PRMT3: variants seen among roughly 807,000 people sequenced by gnomAD.
PRMT3 encodes the protein protein arginine N-methyltransferase 3.
PRMT3 carries 62 observed loss-of-function variants against 71.9 expected under a neutral mutation model. The ratio of observed to expected loss-of-function variants is 0.86; its 90% CI spans 0.70 to 1.07. PRMT3 has a LOEUF of 1.07. PRMT3 is among the 50% of genes least tolerant of loss of function. The pLI is 0.00. For missense variants in PRMT3, 663 were observed against 643.0 expected (o/e 1.03, Z -0.34); for synonymous variants, 213 against 220.4 (o/e 0.97, Z 0.30).
chr11:20,455,739 G>A (rs1290437517), intron 11 of PRMT3, among the ~76,000 whole-genome samples: 3 of 151,000 alleles, frequency 2.0e-5, no homozygotes, highest in African/African-American at 7.4e-5. Context: ...ATATATTATT[G>A]GTTCTTGAGA....
chr11:20,476,603 G>A (rs1474657974), intron 13 of PRMT3, among the ~76,000 whole-genome samples: 1 of 152,130 alleles, frequency 6.6e-6, no homozygotes, highest in African/African-American at 2.4e-5. Context: ...AAGTATGGTA[G>A]TCACTTCATA....
chr11:20,431,958 G>A (rs1849663437), intron 10 of PRMT3, among the ~76,000 whole-genome samples: 1 of 152,026 alleles, frequency 6.6e-6, no homozygotes, highest in South Asian at 2.1e-4. Context: ...TGAAAGAAAA[G>A]TTGTGGTTCA....
At chr11:20,437,427 T>C (rs968893538) in intron 10 of PRMT3, among the ~76,000 whole-genome samples, 1 of 152,118 alleles carries the variant, frequency 6.6e-6, no homozygotes, top group African/African-American at 2.4e-5. Context: ...AAGGGAAAGA[T>C]TAGTGTTCCA....
intron 11 of PRMT3, among the ~76,000 whole-genome samples, chr11:20,459,879 A>T (rs1480577123): frequency 6.6e-6 from 1 of 152,224 alleles, no homozygotes; most frequent in Admixed American, 6.5e-5. Context: ...ATTTGTATCA[A>T]TCAAGAATTT....
chr11:20,503,548 T>C (rs779143506), intron 15 of PRMT3, among the ~76,000 whole-genome samples: 6 of 152,152 alleles, frequency 3.9e-5, no homozygotes, highest in Non-Finnish European at 8.8e-5. Context: ...GTCACTGATA[T>C]GCTTTGTCAT....
chr11:20,415,443 G>C (rs1260566501), intron 9 of PRMT3, among the ~76,000 whole-genome samples: 4 of 152,114 alleles, frequency 2.6e-5, no homozygotes, highest in Admixed American at 2.6e-4. Flanking sequence ...TCACAGCTAG[G>C]ATTACAGAAA....
chr11:20,494,376 T>C, intron 15 of PRMT3, 122 bp downstream of exon 15: 1 of 844,014 alleles, frequency 1.2e-6, no homozygotes, highest in Non-Finnish European at 1.9e-6. Flanking sequence ...TCTCGCTGTC[T>C]CACCCAGGCT....
chr11:20,389,696 T>C, intron 2 of PRMT3, 48 bp from the exon 3 acceptor site: 2 of 1,333,914 alleles, frequency 1.5e-6, no homozygotes, highest in Non-Finnish European at 2.1e-6. Context: ...AATCAGTATT[T>C]AGACTTCTTA....
chr11:20,454,725 A>G (rs1850229798), intron 11 of PRMT3, among the ~76,000 whole-genome samples: 1 of 152,156 alleles, frequency 6.6e-6, no homozygotes, highest in South Asian at 2.1e-4. Flanking sequence ...TTACCAAGTA[A>G]TTAGTAGTAA....
At chr11:20,454,279 C>A (rs1476709534) in intron 11 of PRMT3, among the ~76,000 whole-genome samples, 1 of 152,080 alleles carries the variant, frequency 6.6e-6, no homozygotes, top group Non-Finnish European at 1.5e-5. Flanking sequence ...TAGGGAAGAT[C>A]CAAGTAACTG....
chr11:20,488,551 C>G (rs1291057042), intron 13 of PRMT3, among the ~76,000 whole-genome samples: 2 of 152,182 alleles, frequency 1.3e-5, no homozygotes, highest in Non-Finnish European at 2.9e-5. Context: ...ACATTATCCT[C>G]CTACTTCTGT....
intron 6 of PRMT3, 116 bp downstream of exon 6, chr11:20,396,078 T>A: frequency 2.2e-6 from 2 of 894,658 alleles, no homozygotes; most frequent in Non-Finnish European, 3.3e-6. Flanking sequence ...TGTAGATATT[T>A]TATCTTCATA....
intron 13 of PRMT3, among the ~76,000 whole-genome samples, chr11:20,489,271 C>A (rs191851843): frequency 6.6e-6 from 1 of 152,054 alleles, no homozygotes. Context: ...GTGACCTTGC[C>A]TTTGCAGATT....
rs117389554 is a variant in PRMT3 at position 20,506,659 on chromosome 11, G to A, written c.1487-1645G>A. On this transcript the variant is annotated intron_variant, in intron 15 of 15. Transcript: ENST00000331079. ...GGGGAATTTGTATTTTTTTAAATAC[G>A]ATATTCATTCAGTACTTCAATAGTT... Among the ~76,000 whole-genome samples the A allele has an allele frequency of 6.7e-3, 1,019 of 152,066 alleles. 41 individuals are homozygous for A. The highest frequency in any genetic ancestry group is 0.052 in the Admixed American group (794 of 15,264).
intron 10 of PRMT3, among the ~76,000 whole-genome samples, chr11:20,442,212 G>GTT (rs565619561): frequency 1.4e-5 from 2 of 145,416 alleles, no homozygotes; most frequent in African/African-American, 2.5e-5. Context: ...TCAAAATATT[G>GTT]TTTTTTTTTT....
intron 11 of PRMT3, among the ~76,000 whole-genome samples, 200 bp from the exon 12 acceptor site, chr11:20,461,780 T>G (rs1590081531): frequency 6.6e-6 from 1 of 152,220 alleles, no homozygotes; most frequent in Non-Finnish European, 1.5e-5. Flanking sequence ...TTTAATTTTA[T>G]CATCATGATA....
At chr11:20,447,284 T>C (rs1052639295) in intron 10 of PRMT3, among the ~76,000 whole-genome samples, 1 of 152,042 alleles carries the variant, frequency 6.6e-6, no homozygotes, top group African/African-American at 2.4e-5. Flanking sequence ...CTCCTGGGAT[T>C]ATTTGAGCTG....
intron 2 of PRMT3, among the ~76,000 whole-genome samples, chr11:20,389,054 T>C (rs897276049): frequency 9.9e-5 from 15 of 152,196 alleles, no homozygotes; most frequent in African/African-American, 3.6e-4. Flanking sequence ...ACCGTGGCTG[T>C]GATAGCCTCC....
chr11:20,483,687 A>T (rs911939469), intron 13 of PRMT3, among the ~76,000 whole-genome samples: 6 of 152,220 alleles, frequency 3.9e-5, no homozygotes, highest in Non-Finnish European at 7.4e-5. Flanking sequence ...CCCTAGAGAC[A>T]TTCATTTAGA....
Sources: gnomAD v4.1 joint callset for allele counts (sites outside exome capture counted in the v4.1 genomes callset) on GRCh38, gnomAD v4.1.1 for gene constraint, MANE v1.5 for transcripts, NCBI Gene and HGNC (gene_info 2026-07-23, HGNC 2026-07-21) for gene names.